The following TAS1R2 variants were observed in gnomAD, a reference collection of about 807,000 sequenced individuals.
TAS1R2 encodes the protein taste 1 receptor member 2, also known as taste receptor type 1 member 2.
A neutral mutation model predicts 49.3 loss-of-function variants in TAS1R2; 47 were observed. The observed-to-expected ratio is 0.95, with a 90% CI of 0.75 to 1.22. The LOEUF is 1.22. TAS1R2 is among the 50% of genes most tolerant of loss of function. TAS1R2 has a pLI of 0.00. For synonymous variants in TAS1R2, 479 were observed against 467.9 expected (o/e 1.02, Z -0.31); for missense variants, 1,155 against 1,122.1 (o/e 1.03, Z -0.42).
chr1:18,849,646 T>A, intron 3 of TAS1R2, 96 bp from the exon 4 acceptor site: 1 of 1,371,354 alleles, frequency 7.3e-7, no homozygotes, highest in Non-Finnish European at 1.0e-6. Flanking sequence ...TCCATTAGCC[T>A]TGATTTCCAA....
intron 4 of TAS1R2, among the ~76,000 whole-genome samples, chr1:18,842,533 A>G (rs1485012380): frequency 6.6e-6 from 1 of 152,256 alleles, no homozygotes; most frequent in Non-Finnish European, 1.5e-5. Flanking sequence ...ACAACAATGT[A>G]ATGAAATAGA....
chr1:18,844,691 T>G (rs1933884918), intron 4 of TAS1R2, among the ~76,000 whole-genome samples: 1 of 151,746 alleles, frequency 6.6e-6, no homozygotes, highest in Non-Finnish European at 1.5e-5. Context: ...GGGGCGGAGG[T>G]TGCAATGAGC....
chr1:18,840,102 C>T (rs985103796), exon 6 of TAS1R2: 2 of 1,614,096 alleles, frequency 1.2e-6, no homozygotes, highest in African/African-American at 1.3e-5. Flanking sequence ...TGGTAGCGGA[C>T]CCAGTAGCTG....
rs150750970 is a variant in TAS1R2 at position 18,857,900 on chromosome 1, A to C, written c.183-269T>G. Reference sequence around the variant, plus strand: ...TATAACCTCCATCACCACTCTACCAATGTCCACCAATGTGACCATCATTAT... The same window carrying C: ...TATAACCTCCATCACCACTCTACCACTGTCCACCAATGTGACCATCATTAT... On this transcript the variant is annotated intron_variant, in intron 1 of 5. Coordinates refer to ENST00000375371, the Ensembl canonical transcript of TAS1R2. Among the ~76,000 whole-genome samples, 439 of 152,108 alleles carry C rather than the reference A, an allele frequency of 2.9e-3. 9 individuals are homozygous for C. Among genetic ancestry groups the C allele is most frequent in the Admixed American group, 0.025 (376 of 15,280 alleles).
exon 6 of TAS1R2, chr1:18,840,525 C>T: frequency 6.2e-7 from 1 of 1,614,148 alleles, no homozygotes; most frequent in Admixed American, 1.7e-5. Flanking sequence ...CATTCATATT[C>T]ATCTGCAAAA....
At chr1:18,840,251 C>T (rs758425140) in exon 6 of TAS1R2, 1 of 1,613,964 alleles carries the variant, frequency 6.2e-7, no homozygotes, top group Non-Finnish European at 8.5e-7. Flanking sequence ...CTTGGGCGGC[C>T]CCACGTACAC....
chr1:18,845,126 A>G (rs1198439747), intron 4 of TAS1R2, among the ~76,000 whole-genome samples: 1 of 152,228 alleles, frequency 6.6e-6, no homozygotes, highest in Admixed American at 6.5e-5. Flanking sequence ...GGGGGCTTAC[A>G]GAGCAAATGA....
intron 4 of TAS1R2, among the ~76,000 whole-genome samples, chr1:18,847,784 C>T (rs182535710): frequency 2.6e-5 from 4 of 152,308 alleles, no homozygotes; most frequent in Admixed American, 2.6e-4. Flanking sequence ...CACTTTCAAG[C>T]TGCTGATAAA....
chr1:18,850,550 G>T (rs1371081741), intron 3 of TAS1R2, among the ~76,000 whole-genome samples: 1 of 152,276 alleles, frequency 6.6e-6, no homozygotes, highest in Admixed American at 6.5e-5. Context: ...CAGGTGGTCG[G>T]CCTGAGGATG....
rs1328303547 is a variant in TAS1R2 at position 18,854,873 on chromosome 1, C to A, written c.597G>T (p.Leu199=). 1.9e-6 allele frequency: 3 copies of A among 1,612,206 alleles called. No individual in the cohort carries two copies. Among genetic ancestry groups the A allele is most frequent in the Non-Finnish European group, 2.5e-6 (3 of 1,179,920 alleles). ...CAATGATCCAGTTCCAGCGGAAGTG[C>A]AGCATCAGCTGCACCATGGCCTCGA... The change falls in exon 3 of 6, where the codon CTG becomes CTT. Residue 199 remains leucine (L), a synonymous_variant. Coordinates refer to ENST00000375371, the Ensembl canonical transcript of TAS1R2. The surrounding 1 kb of genome is among the most constrained non-coding windows in gnomAD (Gnocchi z 4.9).
chr1:18,841,842 G>A, exon 5 of TAS1R2: 2 of 1,608,744 alleles, frequency 1.2e-6, no homozygotes, highest in South Asian at 1.1e-5. Flanking sequence ...GGAACACATG[G>A]ACATAGGGAT....
exon 2 of TAS1R2, chr1:18,857,583 A>G (rs68081213): frequency 0.32 from 519,749 of 1,613,852 alleles, 85,465 homozygotes; most frequent in African/African-American, 0.34. Flanking sequence ...CCTCCACCGC[A>G]AAGCGCATGG....
rs147570569 is a variant in TAS1R2, at chr1:18,844,598, A to G, written c.1468-2746T>C. Reference sequence around the variant, plus strand: ...GCGAAATGCTGTCTCTACTAAAAACACAAAAATTAGTCAGGTGTGATGGTG... The same window carrying G: ...GCGAAATGCTGTCTCTACTAAAAACGCAAAAATTAGTCAGGTGTGATGGTG... On this transcript the variant is annotated intron_variant, in intron 4 of 5. Coordinates refer to ENST00000375371, the Ensembl canonical transcript of TAS1R2. Among the ~76,000 whole-genome samples, 22 of 152,346 alleles carry G rather than the reference A, an allele frequency of 1.4e-4. No individual in the cohort carries two copies. The East Asian group carries it at 3.1e-3, about 21-fold the overall frequency.
Position 18,859,350 on chromosome 1 carries a change from G to A in TAS1R2, c.182+129C>T, listed in dbSNP as rs541215068. The A allele has an allele frequency of 7.0e-6, 8 of 1,139,378 alleles. No homozygotes were observed. The South Asian group carries it at 8.6e-5, about 12-fold the overall frequency. The allele number at this position is 1,139,378 out of a possible 1,614,324, so 70.6% of individuals were successfully genotyped here. Reference sequence around the variant, plus strand: ...TAGGGGCATGGATCCAGAATAAGGGGGTTGGCAATGAATGGGGAGGAGTGC... The same window carrying A: ...TAGGGGCATGGATCCAGAATAAGGGAGTTGGCAATGAATGGGGAGGAGTGC... On this transcript the variant is annotated intron_variant, in intron 1 of 5. Coordinates refer to ENST00000375371, the Ensembl canonical transcript of TAS1R2.
At chr1:18,850,927 A>G (rs1202296730) in intron 3 of TAS1R2, among the ~76,000 whole-genome samples, 1 of 152,244 alleles carries the variant, frequency 6.6e-6, no homozygotes. Flanking sequence ...GAGGAGGAGT[A>G]CATTCAGCCT....
At chr1:18,840,060 C>A in exon 6 of TAS1R2, 2 of 1,614,200 alleles carry the variant, frequency 1.2e-6, no homozygotes, top group East Asian at 2.2e-5. Flanking sequence ...ATTTTGAGTA[C>A]CGTGATAAAT....
chr1:18,845,430 G>A (rs961315836), intron 4 of TAS1R2, among the ~76,000 whole-genome samples: 1 of 152,174 alleles, frequency 6.6e-6, no homozygotes, highest in Non-Finnish European at 1.5e-5. Flanking sequence ...GCAACCAGAA[G>A]GATTGGCTAC....
rs747788105 is a variant in TAS1R2, at chr1:18,854,361, G to A, written c.1109C>T (p.Thr370Ile). Residue 370 changes from threonine (T) to isoleucine (I), a missense_variant, in exon 3 of 6, where the codon ACC (threonine) becomes ATC (isoleucine). Physicochemically the swap from Thr to Ile is moderately conservative, Grantham distance 89. Transcript: ENST00000375371. This position sits in a 1 kb window ranked among gnomAD's most constrained non-coding sequence, Gnocchi z 4.9. ...CCTGAGAATGGTGTTGAAGGACAAGGTGGCGTTCAGGCAGTTGTCGCACTC... is the reference window on the plus strand; with the variant it reads ...CCTGAGAATGGTGTTGAAGGACAAGATGGCGTTCAGGCAGTTGTCGCACTC... The A allele has an allele frequency of 4.3e-6, 7 of 1,613,946 alleles. No homozygotes were observed. The South Asian group carries it at 7.7e-5, about 18-fold the overall frequency.
intron 3 of TAS1R2, among the ~76,000 whole-genome samples, chr1:18,850,225 A>G (rs1278111634): frequency 1.3e-5 from 2 of 152,160 alleles, no homozygotes; most frequent in Admixed American, 6.5e-5. Context: ...TCTGTTCGCA[A>G]TTTGCTGTGT....
Sources: gnomAD v4.1 joint callset for allele counts (sites outside exome capture counted in the v4.1 genomes callset) on GRCh38, gnomAD v4.1.1 for gene constraint, Gnocchi (gnomAD v3.1) non-coding constraint, MANE v1.5 for transcripts, NCBI Gene and HGNC (gene_info 2026-07-23, HGNC 2026-07-21) for gene names.